The following ZNF69 variants were observed in gnomAD, a reference collection of about 807,000 sequenced individuals.
ZNF69 encodes zinc finger protein 69, also known as ZNF3.
Under a neutral mutation model 50.9 loss-of-function variants are expected in ZNF69, and 47 were observed. That is an observed-to-expected ratio of 0.92 (90% CI 0.73 to 1.18). The LOEUF (loss-of-function observed/expected upper bound fraction) is 1.18. Among genes scored for constraint, ZNF69 ranks in the 50% most tolerant of loss-of-function variants. ZNF69 has a pLI of 0.00. For missense variants in ZNF69, 717 were observed against 675.1 expected (o/e 1.06, Z -0.69); for synonymous variants, 216 against 223.1 (o/e 0.97, Z 0.29).
At chr19:11,890,211 G>C (rs973504218) in intron 1 of ZNF69, among the ~76,000 whole-genome samples, 1 of 152,156 alleles carries the variant, frequency 6.6e-6, no homozygotes, top group African/African-American at 2.4e-5. Context: ...CTGGGGGATG[G>C]TAAGGTCTTT....
the ZNF69 span, chr19:11,949,975 A>C: frequency 6.2e-7 from 1 of 1,614,140 alleles, no homozygotes; most frequent in Non-Finnish European, 8.5e-7. Context: ...CTATGAATGT[A>C]AGGAATGCGA....
At chr19:11,898,916 T>A (rs190807196) in intron 1 of ZNF69, among the ~76,000 whole-genome samples, 7 of 152,354 alleles carry the variant, frequency 4.6e-5, no homozygotes, top group African/African-American at 1.4e-4. Context: ...ACATATTACA[T>A]GTGAACATGA....
intron 1 of ZNF69, among the ~76,000 whole-genome samples, chr19:11,895,759 TAA>T (rs904362035): frequency 7.2e-5 from 11 of 152,210 alleles, no homozygotes; most frequent in African/African-American, 2.4e-4. Flanking sequence ...GAACTCAGTA[TAA>T]GAGGCAACTC....
chr19:11,924,361 G>A, the ZNF69 span, among the ~76,000 whole-genome samples: 6 of 150,686 alleles, frequency 4.0e-5, no homozygotes, highest in South Asian at 1.3e-3. Flanking sequence ...GAACTCGGGA[G>A]GCGGAGCTTG....
the ZNF69 span, chr19:11,979,182 G>T: frequency 6.2e-7 from 1 of 1,612,098 alleles, no homozygotes; most frequent in Non-Finnish European, 8.5e-7. Context: ...ACACTGGAGA[G>T]AAACCCTATA....
At chr19:11,947,497 C>G in the ZNF69 span, 116 of 1,610,844 alleles carry the variant, frequency 7.2e-5, no homozygotes, top group Non-Finnish European at 9.5e-5. Context: ...GACTATTTTT[C>G]TGTGTCTGTA....
the ZNF69 span, chr19:11,948,460 A>G: frequency 2.5e-6 from 4 of 1,614,184 alleles, no homozygotes; most frequent in Non-Finnish European, 3.4e-6. Context: ...TATGAGCATC[A>G]GAGGTGACAC....
chr19:11,907,870 A>T (rs549329095), downstream of ZNF69, among the ~76,000 whole-genome samples: 600 of 152,344 alleles, frequency 3.9e-3, 1 homozygote, highest in Admixed American at 6.5e-3. Flanking sequence ...TAAAAGACAC[A>T]GACTGGCAAA....
intron 1 of ZNF69, among the ~76,000 whole-genome samples, chr19:11,900,223 G>A (rs1427335982): frequency 6.6e-6 from 1 of 152,118 alleles, no homozygotes; most frequent in African/African-American, 2.4e-5. Context: ...CAAAGGGCTG[G>A]ATTACAGGCA....
At position 11,892,259 on chromosome 19, in the gene ZNF69, C is replaced by T. The variant is rs560942723; in HGVS notation, c.63+4273C>T. Among the ~76,000 whole-genome samples the T allele has an allele frequency of 4.6e-5, 7 of 151,692 alleles. 1 individual carries two copies. Among genetic ancestry groups the T allele is most frequent in the African/African-American group, 1.2e-4 (5 of 41,320 alleles). On this transcript the variant is annotated intron_variant, in intron 1 of 3. Coordinates refer to ENST00000429654, the MANE Select transcript of ZNF69 (RefSeq NM_001364730.1). ...CCTCCAAAAGTGCTGCGATCACAGACGTTAGCCAGTGCACCTGGCTAGCAA... is the reference window on the plus strand; with the variant it reads ...CCTCCAAAAGTGCTGCGATCACAGATGTTAGCCAGTGCACCTGGCTAGCAA...
At chr19:11,976,562 A>AAG in the ZNF69 span, among the ~76,000 whole-genome samples, 1 of 149,872 alleles carries the variant, frequency 6.7e-6, no homozygotes, top group African/African-American at 2.5e-5. Flanking sequence ...TCTCAAAAAA[A>AAG]AAAAAAAAAA....
exon 5 of ZNF69, chr19:11,913,476 C>T: frequency 2.0e-6 from 1 of 489,000 alleles, no homozygotes; most frequent in South Asian, 3.4e-5. Flanking sequence ...GCAACCTCTG[C>T]CTCCAGGGTT....
At chr19:11,890,583 A>G (rs901025967) in intron 1 of ZNF69, among the ~76,000 whole-genome samples, 6 of 152,136 alleles carry the variant, frequency 3.9e-5, no homozygotes, top group Non-Finnish European at 8.8e-5. Flanking sequence ...CACAGTAACA[A>G]TCTGATCTCT....
chr19:11,931,431 C>G, the ZNF69 span, among the ~76,000 whole-genome samples: 1 of 148,042 alleles, frequency 6.8e-6, no homozygotes, highest in East Asian at 1.9e-4. Context: ...TAATTACTTC[C>G]CAGAGATGTC....
At chr19:11,949,341 T>G in the ZNF69 span, 11 of 1,613,638 alleles carry the variant, frequency 6.8e-6, no homozygotes, top group South Asian at 1.1e-4. Flanking sequence ...ACGGTGGGAC[T>G]CACACTGGAG....
the ZNF69 span, among the ~76,000 whole-genome samples, chr19:11,970,989 C>G: frequency 6.6e-6 from 1 of 152,188 alleles, no homozygotes; most frequent in East Asian, 1.9e-4. Flanking sequence ...TTGCTGTTTT[C>G]CATTGGTCTG....
chr19:11,917,389 T>G (rs967877524), downstream of ZNF69, among the ~76,000 whole-genome samples: 4 of 152,278 alleles, frequency 2.6e-5, no homozygotes, highest in Non-Finnish European at 2.9e-5. Context: ...GTGTGTGGAA[T>G]TCCCAGAAGT....
At chr19:11,909,170 G>T (rs935584261), downstream of ZNF69, among the ~76,000 whole-genome samples, 2 of 152,130 alleles carry the variant, frequency 1.3e-5, no homozygotes, top group Non-Finnish European at 2.9e-5. Context: ...TGAAATTGAG[G>T]CAATAATTAA....
the ZNF69 span, among the ~76,000 whole-genome samples, chr19:11,926,139 T>A: frequency 6.6e-6 from 1 of 152,212 alleles, no homozygotes; most frequent in Admixed American, 6.5e-5. Context: ...AACAGACCTG[T>A]TTCTCTAGAT....
Sources: gnomAD v4.1 joint callset for allele counts (sites outside exome capture counted in the v4.1 genomes callset) on GRCh38, gnomAD v4.1.1 for gene constraint, MANE v1.5 for transcripts, NCBI Gene and HGNC (gene_info 2026-07-23, HGNC 2026-07-21) for gene names.